Variants in HGF observed in about 807,000 individuals in gnomAD.
HGF encodes hepatocyte growth factor.
A neutral mutation model predicts 111.6 loss-of-function variants in HGF; 39 were observed. That is an observed-to-expected ratio of 0.35 (90% CI 0.27 to 0.46). The LOEUF is 0.46. HGF is among the 20% of genes least tolerant of loss of function. The pLI is 1.00. For synonymous variants in HGF, 285 were observed against 294.8 expected (o/e 0.97, Z 0.34); for missense variants, 735 against 910.5 (o/e 0.81, Z 2.48).
rs1789831156 is a variant in HGF at position 81,720,744 on chromosome 7, C to A, written c.1271+1G>T. 6.4e-7 allele frequency: 1 copy of A among 1,569,840 alleles called. No homozygotes were observed. The highest frequency in any genetic ancestry group is 1.7e-5 in the Admixed American group (1 of 59,944). On this transcript the variant is annotated splice_donor_variant, in intron 10 of 17. Transcript: ENST00000222390. LOFTEE classifies it high-confidence loss of function. ...ATATTGAAAGGAAGAAATTTACACA[C>A]CGATGTAAGTCTTCCATGTTCTTGT...
chr7:81,727,049 G>GTT (rs35293935), intron 8 of HGF, among the ~76,000 whole-genome samples: 78 of 144,294 alleles, frequency 5.4e-4, no homozygotes, highest in East Asian at 1.8e-3. Flanking sequence ...TTTTTTTTTT[G>GTT]TTTTTTTTTT....
intron 1 of HGF, among the ~76,000 whole-genome samples, chr7:81,763,505 T>C (rs547292327): frequency 8.3e-4 from 126 of 152,294 alleles, no homozygotes; most frequent in Non-Finnish European, 1.6e-3. Flanking sequence ...ATCAAATGTA[T>C]GTAAAACTTC....
chr7:81,742,590 A>T (rs991120788), intron 7 of HGF: 3 of 590,538 alleles, frequency 5.1e-6, no homozygotes, highest in African/African-American at 2.0e-5. Context: ...ATTCAAAGAA[A>T]TGAAAACATT....
At chr7:81,706,948 A>T (rs1003508517) in intron 14 of HGF, among the ~76,000 whole-genome samples, 28 of 151,502 alleles carry the variant, frequency 1.8e-4, no homozygotes, top group Non-Finnish European at 4.0e-4. Flanking sequence ...AGTAGTGAGG[A>T]CTGAAAAAAG....
Position 81,743,375 on chromosome 7 carries a change from C to A in HGF, c.843G>T (p.Glu281Asp). 6.2e-7 allele frequency: 1 copy of A among 1,608,586 alleles called. No homozygotes were observed. ...TACCGCATGTTTTAATTGCACAGTA[C>A]TCCCAGCGGGTGTGAGGGTCAAGAG... ...CYTLDPHTRW[E>D]YCAIKTCADN... The change falls in exon 7 of 18, where the codon GAG becomes GAT. Residue 281 changes from glutamate (E) to aspartate (D), a missense_variant. Transcript: ENST00000222390.
chr7:81,706,569 C>T lies in HGF; in HGVS notation c.1617-142G>A, dbSNP rs1340793806. The T allele has an allele frequency of 1.2e-4, 83 of 668,890 alleles. No homozygotes were observed. The East Asian group carries it at 2.1e-3, about 17-fold the overall frequency. 41.4% of individuals were successfully genotyped at this position (668,890 alleles called of 1,614,324 possible). On this transcript the variant is annotated intron_variant, in intron 14 of 17. Coordinates refer to ENST00000222390, the MANE Select transcript of HGF (RefSeq NM_000601.6). ...ATTCATAGTATAATAAAGAACAACA[C>T]ATTTGTTATGGCAGATTCTGAATAC...
chr7:81,713,966 A>C lies in HGF; in HGVS notation c.1406-2447T>G, dbSNP rs1286457956. 4.7e-5 allele frequency among the ~76,000 whole-genome samples: 7 copies of C among 148,180 alleles called. No homozygotes were observed. In the Admixed American group the frequency reaches 4.8e-4, roughly 10 times the overall value. On this transcript the variant is annotated intron_variant, in intron 11 of 17. Coordinates refer to ENST00000222390, the MANE Select transcript of HGF (RefSeq NM_000601.6). ...CATGTCAATGATAAAAGTTTTACCT[A>C]CGGAAGGGTAGGGGTGTGTGTGCGT... is the stretch of plus-strand genomic sequence containing the variant.
chr7:81,704,261 A>C (rs913704775), intron 17 of HGF, among the ~76,000 whole-genome samples: 2 of 151,776 alleles, frequency 1.3e-5, no homozygotes, highest in African/African-American at 2.4e-5. Flanking sequence ...TGATAATCCA[A>C]ATTAAAGGCT....
At chr7:81,755,767 A>G (rs1361310482) in intron 4 of HGF, 1 of 462,350 alleles carries the variant, frequency 2.2e-6, no homozygotes, top group African/African-American at 2.0e-5. Flanking sequence ...TTTTTGTAAT[A>G]TAAGGAAAAT....
chr7:81,755,869 C>T (rs895859754), intron 4 of HGF: 1 of 586,634 alleles, frequency 1.7e-6, no homozygotes, highest in African/African-American at 1.9e-5. Context: ...AGATGATCAG[C>T]TTGGACACTT....
At chr7:81,706,821 C>T (rs1789439761) in intron 14 of HGF, among the ~76,000 whole-genome samples, 1 of 151,834 alleles carries the variant, frequency 6.6e-6, no homozygotes, top group Non-Finnish European at 1.5e-5. Context: ...TCAAAGTGAC[C>T]TTGCTGAGAA....
intron 7 of HGF, among the ~76,000 whole-genome samples, chr7:81,730,212 G>C (rs1787600360): frequency 6.6e-6 from 1 of 152,144 alleles, no homozygotes; most frequent in African/African-American, 2.4e-5. Flanking sequence ...ACTTTGGGAA[G>C]CTGAGGTGGG....
rs1471790055 is a variant in HGF, at chr7:81,729,634, A to T, written c.1011T>A (p.His337Gln). ...ACTTGAAATTTTCAGGAGTCATGTC[A>T]TGCTCGTGAGGATACTGAGAATCCC... The part of the protein sequence containing the change: ...QRWDSQYPHE[H>Q]DMTPENFKCK... The change falls in exon 8 of 18, where the codon CAT (histidine) becomes CAA (glutamine). Residue 337 changes from histidine (H) to glutamine (Q), a missense_variant. This residue lies in a region of HGF where 553 missense variants were observed against 685.6 expected (regional missense o/e 0.81). Coordinates refer to ENST00000222390, the MANE Select transcript of HGF (RefSeq NM_000601.6). 1.9e-6 allele frequency: 3 copies of T among 1,613,934 alleles called. No homozygotes were observed. The South Asian group carries it at 3.3e-5, about 18-fold the overall frequency.
At chr7:81,726,047 TG>T in intron 8 of HGF, 30 bp from the exon 9 acceptor site, 1 of 1,612,744 alleles carries the variant, frequency 6.2e-7, no homozygotes, top group Non-Finnish European at 8.5e-7. Flanking sequence ...TAATGTAAAT[TG>T]CCGGAGTTCT....
At chr7:81,748,109 A>T (rs917146094) in intron 5 of HGF, among the ~76,000 whole-genome samples, 15 of 151,858 alleles carry the variant, frequency 9.9e-5, no homozygotes, top group African/African-American at 3.4e-4. Context: ...TAGTCTTAGT[A>T]TTTTTTTTGC....
intron 2 of HGF, among the ~76,000 whole-genome samples, chr7:81,761,379 C>G (rs184115679): frequency 5.9e-5 from 9 of 152,210 alleles, no homozygotes; most frequent in Non-Finnish European, 1.3e-4. Flanking sequence ...TGATAAAGAT[C>G]TTTTCTGACC....
At chr7:81,749,585 T>A (rs535772318) in intron 5 of HGF, among the ~76,000 whole-genome samples, 4 of 152,202 alleles carry the variant, frequency 2.6e-5, no homozygotes, top group Admixed American at 2.6e-4. Context: ...GGTAAGAACA[T>A]TTAACATCTA....
At position 81,742,509 on chromosome 7, in the gene HGF, C is replaced by T. The variant is rs185300034; in HGVS notation, c.865+844G>A. Among the ~76,000 whole-genome samples the T allele has an allele frequency of 4.5e-4, 68 of 152,094 alleles. 1 individual carries two copies. Among genetic ancestry groups the T allele is most frequent in the Non-Finnish European group, 6.3e-4 (43 of 67,992 alleles). ...CAGGCCAATTTATAACATTATTATACCTTACTAAATTTATGCAATTCTATT... is the reference window on the plus strand; with the variant it reads ...CAGGCCAATTTATAACATTATTATATCTTACTAAATTTATGCAATTCTATT... On this transcript the variant is annotated intron_variant, in intron 7 of 17. Transcript: ENST00000222390.
chr7:81,751,998 G>T, intron 5 of HGF, 122 bp downstream of exon 5: 2 of 1,500,948 alleles, frequency 1.3e-6, no homozygotes, highest in South Asian at 1.3e-5. Flanking sequence ...ATTATTTGTA[G>T]TTGCATTTGC....
Sources: gnomAD v4.1 joint callset for allele counts (sites outside exome capture counted in the v4.1 genomes callset) on GRCh38, gnomAD v4.1.1 for gene constraint, gnomAD v4.1.1 regional missense constraint, MANE v1.5 for transcripts, NCBI Gene and HGNC (gene_info 2026-07-23, HGNC 2026-07-21) for gene names.